The following THSD7B variants were observed in gnomAD, a reference collection of about 807,000 sequenced individuals.
THSD7B encodes the protein thrombospondin type 1 domain containing 7B, also known as thrombospondin type-1 domain-containing protein 7B.
THSD7B carries 138 observed loss-of-function variants against 213.6 expected under a neutral mutation model. The observed-to-expected ratio is 0.65, with a 90% CI of 0.56 to 0.74. The LOEUF (loss-of-function observed/expected upper bound fraction) is 0.74, where lower values mean the gene tolerates loss of function less well. Among genes scored for constraint, THSD7B ranks in the 30% least tolerant of loss-of-function variants. The probability of loss-of-function intolerance (pLI) is 0.00; values close to 1 mark genes in which losing one functional copy is unlikely to be tolerated. For synonymous variants in THSD7B, 742 were observed against 687.0 expected, an observed-to-expected ratio of 1.08 and a Z score of -1.25; for missense variants, 1,931 against 1,991.5, an observed-to-expected ratio of 0.97 and a Z score of 0.58.
chr2:136,814,994 C>T (rs1682447574), intron 1 of THSD7B, among the ~76,000 whole-genome samples: 2 of 152,170 alleles, frequency 1.3e-5, no homozygotes, highest in African/African-American at 4.8e-5. Flanking sequence ...TATTGGAATG[C>T]AGCCATGCTC....
chr2:136,918,531 G>A (rs898300948), intron 2 of THSD7B, among the ~76,000 whole-genome samples: 33 of 152,160 alleles, frequency 2.2e-4, no homozygotes, highest in African/African-American at 7.2e-4. Flanking sequence ...TGAAGATGTT[G>A]GTGTAGGCTG....
At chr2:137,121,407 G>A (rs1273964345) in intron 5 of THSD7B, among the ~76,000 whole-genome samples, 2 of 152,188 alleles carry the variant, frequency 1.3e-5, no homozygotes, top group Non-Finnish European at 2.9e-5. Flanking sequence ...ATCTCCTGAA[G>A]AGGAAGAACA....
chr2:137,547,713 A>G (rs948980208), intron 15 of THSD7B, among the ~76,000 whole-genome samples: 18 of 152,088 alleles, frequency 1.2e-4, no homozygotes, highest in Middle Eastern at 3.4e-3. Flanking sequence ...TCTAGATAGA[A>G]TAAAGGCTGT....
At chr2:136,898,732 TC>T (rs1684010623) in intron 2 of THSD7B, among the ~76,000 whole-genome samples, 1 of 148,992 alleles carries the variant, frequency 6.7e-6, no homozygotes, top group Non-Finnish European at 1.5e-5. Flanking sequence ...AACCTCCGCC[TC>T]CCAGGTTCAA....
At chr2:137,210,518 T>A (rs1681080109) in intron 7 of THSD7B, among the ~76,000 whole-genome samples, 1 of 152,088 alleles carries the variant, frequency 6.6e-6, no homozygotes, top group Non-Finnish European at 1.5e-5. Context: ...TTTTTTCTTT[T>A]CTTTTCAAGT....
intron 12 of THSD7B, among the ~76,000 whole-genome samples, chr2:137,391,686 CAAA>C (rs757793857): frequency 2.8e-5 from 3 of 108,168 alleles, no homozygotes; most frequent in Admixed American, 9.6e-5. Context: ...CATTCGGTCT[CAAA>C]AAAAAAAAAA....
chr2:137,563,074 A>G (rs889119083), intron 15 of THSD7B, 147 bp from the exon 16 acceptor site: 3 of 772,532 alleles, frequency 3.9e-6, no homozygotes, highest in Admixed American at 3.4e-5. Context: ...AGCCAAATCT[A>G]TCTTGCTTTT....
chr2:137,400,208 A>T (rs1235676406), intron 12 of THSD7B, among the ~76,000 whole-genome samples: 1 of 151,814 alleles, frequency 6.6e-6, no homozygotes, highest in Non-Finnish European at 1.5e-5. Flanking sequence ...ACTTTTGATT[A>T]TCTGGCATTT....
At chr2:137,618,583 A>G in intron 19 of THSD7B, 76 bp downstream of exon 19, 4 of 1,297,020 alleles carry the variant, frequency 3.1e-6, no homozygotes, top group Non-Finnish European at 3.3e-6. Flanking sequence ...CATGATGTCC[A>G]ATATAGATAA....
chr2:137,642,330 G>A, intron 20 of THSD7B, 158 bp from the exon 21 acceptor site: 14 of 832,150 alleles, frequency 1.7e-5, no homozygotes, highest in Non-Finnish European at 2.5e-5. Flanking sequence ...GTGTCTCTGT[G>A]GAACTCTAAA....
At chr2:137,219,658 A>C (rs886903794) in intron 7 of THSD7B, among the ~76,000 whole-genome samples, 1 of 152,176 alleles carries the variant, frequency 6.6e-6, no homozygotes, top group African/African-American at 2.4e-5. Flanking sequence ...GTAGGAGCAA[A>C]TACTGTAAAA....
intron 2 of THSD7B, among the ~76,000 whole-genome samples, chr2:137,029,584 A>AT (rs1558892872): frequency 6.6e-6 from 1 of 152,194 alleles, no homozygotes; most frequent in Admixed American, 6.6e-5. Context: ...GAAAAATAAC[A>AT]TTAAGGAAGA....
chr2:137,245,596 A>C (rs1682011245), intron 10 of THSD7B, among the ~76,000 whole-genome samples: 1 of 152,094 alleles, frequency 6.6e-6, no homozygotes, highest in Non-Finnish European at 1.5e-5. Context: ...TCATCCCCTT[A>C]AATTATCTTT....
At position 137,309,091 on chromosome 2, in the gene THSD7B, A is replaced by G. The variant is rs188539618; in HGVS notation, c.2500+33065A>G. ...TTCCAAACGGGCTTCTAGAAACATC[A>G]TATCATTTTATTTTTCAACAATAGC... On this transcript the variant is annotated intron_variant, in intron 12 of 27. Coordinates refer to ENST00000409968, the MANE Select transcript of THSD7B (RefSeq NM_001316349.2). 5.3e-5 allele frequency among the ~76,000 whole-genome samples: 8 copies of G among 152,210 alleles called. No individual in the cohort carries two copies. The East Asian group carries it at 1.4e-3, about 26-fold the overall frequency.
chr2:137,038,614 A>C (rs957292748), intron 2 of THSD7B, among the ~76,000 whole-genome samples: 1 of 152,204 alleles, frequency 6.6e-6, no homozygotes, highest in Non-Finnish European at 1.5e-5. Flanking sequence ...GGAAGATAAG[A>C]TTAATCATTT....
chr2:137,101,889 G>C (rs1434718955), intron 4 of THSD7B, among the ~76,000 whole-genome samples: 1 of 152,228 alleles, frequency 6.6e-6, no homozygotes, highest in African/African-American at 2.4e-5. Context: ...AGCAGCCCCA[G>C]TCAGGGGCTT....
rs116590059 is a variant in THSD7B at position 136,862,432 on chromosome 2, T to A, written c.-35-19712T>A. On this transcript the variant is annotated intron_variant, in intron 1 of 27. Coordinates refer to ENST00000409968, the MANE Select transcript of THSD7B (RefSeq NM_001316349.2). ...CCCTTCTACCTGCCAGGTTACCTTTTCTCTTCTTTGCTGAACATTGAACAC... is the reference window on the plus strand; with the variant it reads ...CCCTTCTACCTGCCAGGTTACCTTTACTCTTCTTTGCTGAACATTGAACAC... 4.5e-3 allele frequency among the ~76,000 whole-genome samples: 686 copies of A among 152,334 alleles called. 3 individuals carry two copies. Among genetic ancestry groups the A allele is most frequent in the African/African-American group, 0.016 (650 of 41,572 alleles).
At chr2:137,398,814 A>G (rs1189305365) in intron 12 of THSD7B, among the ~76,000 whole-genome samples, 1 of 152,186 alleles carries the variant, frequency 6.6e-6, no homozygotes, top group Non-Finnish European at 1.5e-5. Flanking sequence ...GCAATCAGCG[A>G]GATTCCGTGG....
Position 137,412,605 on chromosome 2 carries a change from AAAAAAC to A in THSD7B, c.2959+739_2959+744del, listed in dbSNP as rs1160218921. Among the ~76,000 whole-genome samples, 2 of 146,936 alleles carry A rather than the reference AAAAAAC, an allele frequency of 1.4e-5. 1 individual carries two copies. The highest frequency in any genetic ancestry group is 4.9e-5 in the African/African-American group (2 of 40,440). On this transcript the variant is annotated intron_variant, in intron 14 of 27. Coordinates refer to ENST00000409968, the MANE Select transcript of THSD7B (RefSeq NM_001316349.2). ...AGAGCAAAACTCTGTCTCAAAAAAA[AAAAAAC>A]AAAAAAAAACAAAAAACAGTTTTAC...
Sources: gnomAD v4.1 joint callset for allele counts (sites outside exome capture counted in the v4.1 genomes callset) on GRCh38, gnomAD v4.1.1 for gene constraint, MANE v1.5 for transcripts, NCBI Gene and HGNC (gene_info 2026-07-23, HGNC 2026-07-21) for gene names.